The following CNTNAP2 variants were observed in gnomAD, a reference collection of about 807,000 sequenced individuals.
CNTNAP2 encodes contactin associated protein 2, also known as contactin-associated protein-like 2.
CNTNAP2 carries 98 observed loss-of-function variants against 155.2 expected under a neutral mutation model. That is an observed-to-expected ratio of 0.63 (90% CI 0.54 to 0.75). CNTNAP2 has a LOEUF of 0.75. Among genes scored for constraint, CNTNAP2 ranks in the 30% least tolerant of loss-of-function variants. The probability of loss-of-function intolerance (pLI) is 0.00; values close to 1 mark genes in which losing one functional copy is unlikely to be tolerated. For synonymous variants in CNTNAP2, 651 were observed against 631.2 expected (o/e 1.03, Z -0.47); for missense variants, 1,727 against 1,688.1 (o/e 1.02, Z -0.40).
chr7:146,302,453 T>C (rs1262266815), intron 1 of CNTNAP2, among the ~76,000 whole-genome samples: 1 of 152,160 alleles, frequency 6.6e-6, no homozygotes, highest in Non-Finnish European at 1.5e-5. Flanking sequence ...CTGACACATA[T>C]AGTATCTATT....
At chr7:148,115,894 T>C (rs1156341878) in intron 15 of CNTNAP2, among the ~76,000 whole-genome samples, 1 of 151,510 alleles carries the variant, frequency 6.6e-6, no homozygotes, top group Non-Finnish European at 1.5e-5. Context: ...ATCGCAGCAC[T>C]TTGGGAGGCT....
chr7:146,681,246 C>T (rs1237262430), intron 1 of CNTNAP2, among the ~76,000 whole-genome samples: 3 of 150,564 alleles, frequency 2.0e-5, no homozygotes, highest in Non-Finnish European at 3.0e-5. Context: ...TTTAGAACTT[C>T]CTGTATAGTT....
chr7:148,327,623 A>G (rs1305035970), intron 21 of CNTNAP2, among the ~76,000 whole-genome samples: 4 of 152,208 alleles, frequency 2.6e-5, no homozygotes, highest in Admixed American at 2.0e-4. Flanking sequence ...CCTGAGTCAC[A>G]GGTGTTGTTA....
chr7:146,834,970 C>G (rs553763794), intron 2 of CNTNAP2, among the ~76,000 whole-genome samples: 1 of 152,164 alleles, frequency 6.6e-6, no homozygotes, highest in Non-Finnish European at 1.5e-5. Context: ...AACTTTTCAT[C>G]GATCTTTCCA....
intron 12 of CNTNAP2, among the ~76,000 whole-genome samples, chr7:147,600,137 G>A (rs561256244): frequency 5.6e-4 from 86 of 152,240 alleles, no homozygotes; most frequent in African/African-American, 1.6e-3. Flanking sequence ...GGTCATGGGC[G>A]TGTTAAATCC....
intron 1 of CNTNAP2, among the ~76,000 whole-genome samples, chr7:146,354,804 C>CT (rs144314714): frequency 0.039 from 5,995 of 152,080 alleles, 410 homozygotes; most frequent in African/African-American, 0.14. Context: ...TTTCTAATCA[C>CT]GAAGGAGGAG....
chr7:147,441,845 CTCT>C (rs1258419677), intron 10 of CNTNAP2, among the ~76,000 whole-genome samples: 30 of 145,058 alleles, frequency 2.1e-4, no homozygotes, highest in South Asian at 6.8e-4. Flanking sequence ...CTCTCTCTCT[CTCT>C]CTCCCTCCCT....
At chr7:147,928,316 T>C (rs753258005) in intron 14 of CNTNAP2, among the ~76,000 whole-genome samples, 11 of 152,062 alleles carry the variant, frequency 7.2e-5, no homozygotes, top group Non-Finnish European at 1.2e-4. Flanking sequence ...TTTCTCAAAG[T>C]GAGGGATGGT....
chr7:146,320,220 A>T (rs1219439797), intron 1 of CNTNAP2, among the ~76,000 whole-genome samples: 1 of 151,956 alleles, frequency 6.6e-6, no homozygotes, highest in Admixed American at 6.6e-5. Context: ...TTAATTTTGA[A>T]TTTTTTTCTA....
At chr7:146,216,744 C>A (rs759252852) in intron 1 of CNTNAP2, among the ~76,000 whole-genome samples, 5 of 152,202 alleles carry the variant, frequency 3.3e-5, no homozygotes, top group Non-Finnish European at 7.3e-5. Context: ...CACATGAAAT[C>A]ACAAGCTAAC....
chr7:148,094,809 T>G (rs147894637), intron 15 of CNTNAP2, among the ~76,000 whole-genome samples: 163 of 152,312 alleles, frequency 1.1e-3, no homozygotes, highest in Middle Eastern at 6.8e-3. Flanking sequence ...ATCTTAATAG[T>G]TAAGCACGTT....
intron 1 of CNTNAP2, among the ~76,000 whole-genome samples, chr7:146,659,830 C>A (rs1465228936): frequency 6.6e-6 from 1 of 152,144 alleles, no homozygotes; most frequent in Non-Finnish European, 1.5e-5. Context: ...TCCAATTAAG[C>A]CTTTGGAGTG....
chr7:146,586,608 A>G lies in CNTNAP2; in HGVS notation c.98-187663A>G, dbSNP rs533827213. 2.0e-3 allele frequency among the ~76,000 whole-genome samples: 307 copies of G among 152,148 alleles called. 4 individuals are homozygous for G. Among genetic ancestry groups the G allele is most frequent in the African/African-American group, 7.0e-3 (293 of 41,564 alleles). The stretch of plus-strand genomic sequence containing the variant: ...AAAGGTAATTAACCATCAGATGTAT[A>G]TTAATCACACACACATAAACATGCA... On this transcript the variant is annotated intron_variant, in intron 1 of 23. Coordinates refer to ENST00000361727, the MANE Select transcript of CNTNAP2 (RefSeq NM_014141.6).
intron 1 of CNTNAP2, among the ~76,000 whole-genome samples, chr7:146,445,050 A>C (rs1228059689): frequency 2.6e-5 from 4 of 152,094 alleles, no homozygotes; most frequent in Admixed American, 6.6e-5. Context: ...TCATAAACAA[A>C]AAAACTTCCT....
At chr7:146,606,551 C>T (rs73470613) in intron 1 of CNTNAP2, among the ~76,000 whole-genome samples, 5,138 of 152,114 alleles carry the variant, frequency 0.034, 290 homozygotes, top group African/African-American at 0.12. Flanking sequence ...TAAGCCTAGC[C>T]ATAAGTCTAT....
At chr7:146,207,289 G>C (rs561631997) in intron 1 of CNTNAP2, among the ~76,000 whole-genome samples, 1 of 151,902 alleles carries the variant, frequency 6.6e-6, no homozygotes, top group Non-Finnish European at 1.5e-5. Context: ...AAAATAATGG[G>C]AACTGAAATA....
At chr7:146,590,981 G>T (rs990272608) in intron 1 of CNTNAP2, among the ~76,000 whole-genome samples, 1 of 152,050 alleles carries the variant, frequency 6.6e-6, no homozygotes, top group African/African-American at 2.4e-5. Context: ...GAAAATGCTT[G>T]CTTATTGGTA....
At chr7:146,757,701 AT>A (rs918731006) in intron 1 of CNTNAP2, among the ~76,000 whole-genome samples, 5 of 152,200 alleles carry the variant, frequency 3.3e-5, no homozygotes, top group African/African-American at 1.2e-4. Flanking sequence ...TTCAGTAAAA[AT>A]ATAGGTGTTG....
chr7:146,151,662 A>ATGTG (rs1318954675), intron 1 of CNTNAP2, among the ~76,000 whole-genome samples: 7 of 43,714 alleles, frequency 1.6e-4, no homozygotes, highest in African/African-American at 5.4e-4. Context: ...ATATATATAT[A>ATGTG]TATATATATA....
Sources: gnomAD v4.1 joint callset for allele counts (sites outside exome capture counted in the v4.1 genomes callset) on GRCh38, gnomAD v4.1.1 for gene constraint, MANE v1.5 for transcripts, NCBI Gene and HGNC (gene_info 2026-07-23, HGNC 2026-07-21) for gene names.